The following SLC45A3 variants were observed in gnomAD, a reference collection of about 807,000 sequenced individuals.
SLC45A3 encodes solute carrier family 45 member 3.
SLC45A3 carries 17 observed loss-of-function variants against 35.3 expected under a neutral mutation model. That is an observed-to-expected ratio of 0.48 (90% CI 0.33 to 0.72). The LOEUF is 0.72. Ranked by LOEUF, SLC45A3 falls within the 30% of genes least tolerant of loss-of-function variation. The pLI, the probability that SLC45A3 is intolerant of heterozygous loss-of-function variation, is 0.02. For synonymous variants in SLC45A3, 288 were observed against 334.3 expected (o/e 0.86, Z 1.51); for missense variants, 597 against 731.7 (o/e 0.82, Z 2.12).
intron 2 of SLC45A3, 114 bp from the exon 3 acceptor site, chr1:205,663,732 T>A: frequency 1.6e-5 from 17 of 1,077,710 alleles, no homozygotes; most frequent in Non-Finnish European, 2.2e-5. Flanking sequence ...GACACTGTGC[T>A]ACGTCTTCAC....
intron 1 of SLC45A3, among the ~76,000 whole-genome samples, chr1:205,679,685 A>AACACACACACACACACACACACACAC (rs55762304): frequency 7.2e-5 from 10 of 138,854 alleles, no homozygotes; most frequent in South Asian, 5.0e-4. Context: ...GGGACACAGT[A>AACACACACACACACACACACACACAC]ACACACACAC....
At chr1:205,678,797 G>A (rs892609046) in intron 1 of SLC45A3, among the ~76,000 whole-genome samples, 3 of 152,176 alleles carry the variant, frequency 2.0e-5, no homozygotes, top group African/African-American at 7.2e-5. Flanking sequence ...CGACAGGCCT[G>A]GTGGGAGGAG....
chr1:205,679,850 C>T lies in SLC45A3; in HGVS notation c.-231+544G>A, dbSNP rs147592893. Among the ~76,000 whole-genome samples, 378 of 152,132 alleles carry T rather than the reference C, an allele frequency of 2.5e-3. 2 individuals are homozygous for T. The highest frequency in any genetic ancestry group is 4.4e-3 in the Admixed American group (68 of 15,296). On this transcript the variant is annotated intron_variant, in intron 1 of 4. Coordinates refer to ENST00000367145, the MANE Select transcript of SLC45A3 (RefSeq NM_033102.3). Reference sequence around the variant, plus strand: ...AGCCGGCCTGGGCCTGAGCACCCCGCGGCGCCGCGGCCGTCGGCTCCCGTC... The same window carrying T: ...AGCCGGCCTGGGCCTGAGCACCCCGTGGCGCCGCGGCCGTCGGCTCCCGTC...
Position 205,666,456 on chromosome 1 carries a change from A to G in SLC45A3, c.-230-1570T>C, listed in dbSNP as rs528235724. On this transcript the variant is annotated intron_variant, in intron 1 of 4. Coordinates refer to ENST00000367145, the MANE Select transcript of SLC45A3 (RefSeq NM_033102.3). This position sits in a 1 kb window ranked among gnomAD's most constrained non-coding sequence, Gnocchi z 4.1. ...CTGGGAGGTCAAGGGTGCAGCGCGC[A>G]GTGATTGGACCACTGCCTCCAGTCT... 2.2e-4 allele frequency among the ~76,000 whole-genome samples: 33 copies of G among 152,322 alleles called. No individual in the cohort carries two copies. Among genetic ancestry groups the G allele is most frequent in the Admixed American group, 6.5e-4 (10 of 15,304 alleles).
rs770705381 is a variant in SLC45A3, at chr1:205,669,410, G to A, written c.-230-4524C>T. On this transcript the variant is annotated intron_variant, in intron 1 of 4. Coordinates refer to ENST00000367145, the MANE Select transcript of SLC45A3 (RefSeq NM_033102.3). The surrounding 1 kb of genome is among the most constrained non-coding windows in gnomAD (Gnocchi z 4.1). ...CTGGTAGCTCCCTAAGGGAAGGGAG[G>A]GTCAGAGGGGGATGTATAAAGAGGT... is the stretch of plus-strand genomic sequence containing the variant. 2.6e-4 allele frequency among the ~76,000 whole-genome samples: 39 copies of A among 152,182 alleles called. No homozygotes were observed. The highest frequency in any genetic ancestry group is 4.4e-4 in the Non-Finnish European group (30 of 68,026).
Position 205,680,132 on chromosome 1 carries a change from C to T in SLC45A3, c.-231+262G>A, listed in dbSNP as rs1457086397. Among the ~76,000 whole-genome samples the T allele has an allele frequency of 1.5e-4, 23 of 151,404 alleles. No individual in the cohort carries two copies. The Middle Eastern group carries it at 0.017, about 113-fold the overall frequency. Reference sequence around the variant, plus strand: ...GACAGCGCGGGCACCTCCTGCCTGCCCGCCCTCCGCGGAAGAAAGCACAGC... The same window carrying T: ...GACAGCGCGGGCACCTCCTGCCTGCTCGCCCTCCGCGGAAGAAAGCACAGC... On this transcript the variant is annotated intron_variant, in intron 1 of 4. Transcript: ENST00000367145.
At position 205,664,447 on chromosome 1, in the gene SLC45A3, T is replaced by C; in HGVS notation, c.172+38A>G. ...CCTGTCCCACATGCCAGGTGGCATGTATCTGGAACAGGAAGGAAGGAGGAT... is the reference window on the plus strand; with the variant it reads ...CCTGTCCCACATGCCAGGTGGCATGCATCTGGAACAGGAAGGAAGGAGGAT... On this transcript the variant is annotated intron_variant, in intron 2 of 4. Coordinates refer to ENST00000367145, the MANE Select transcript of SLC45A3 (RefSeq NM_033102.3). The surrounding 1 kb of genome is among the most constrained non-coding windows in gnomAD (Gnocchi z 5.3). 3 of 1,606,978 alleles carry C rather than the reference T, an allele frequency of 1.9e-6. No individual in the cohort carries two copies. Among genetic ancestry groups the C allele is most frequent in the Non-Finnish European group, 2.6e-6 (3 of 1,174,802 alleles).
intron 4 of SLC45A3, among the ~76,000 whole-genome samples, chr1:205,660,499 G>A (rs761220516): frequency 6.6e-6 from 1 of 152,182 alleles, no homozygotes; most frequent in Non-Finnish European, 1.5e-5. Context: ...AGCCATGGCA[G>A]AGCTCAAACC....
At chr1:205,660,522 A>G (rs1363197509) in intron 4 of SLC45A3, among the ~76,000 whole-genome samples, 3 of 152,206 alleles carry the variant, frequency 2.0e-5, no homozygotes, top group Non-Finnish European at 4.4e-5. Flanking sequence ...ACACCAGGGA[A>G]GCCCACGGCT....
At chr1:205,680,153 A>T (rs1459557186) in intron 1 of SLC45A3, among the ~76,000 whole-genome samples, 6 of 151,362 alleles carry the variant, frequency 4.0e-5, no homozygotes, top group Non-Finnish European at 7.4e-5. Flanking sequence ...GGAAGAAAGC[A>T]CAGCTCAGCG....
chr1:205,672,249 C>A (rs57892839), intron 1 of SLC45A3, among the ~76,000 whole-genome samples: 189 of 152,290 alleles, frequency 1.2e-3, no homozygotes, highest in African/African-American at 4.2e-3. Flanking sequence ...ACACCAGCGC[C>A]TCTTTCAGCC....
chr1:205,661,892 G>T lies in SLC45A3; in HGVS notation c.1193C>A (p.Thr398Lys). Residue 398 changes from threonine (T) to lysine (K), a missense_variant, in exon 4 of 5, where the codon ACA becomes AAA. Physicochemically the swap from Thr to Lys is moderately conservative, Grantham distance 78 (BLOSUM62 -1). Transcript: ENST00000367145. ...CTCCCGGTGGTAGAGGGAGGCCAGT[G>T]TGTAGGGCAGGATCTGCAGGGCTGA... ...TFSALQILPY[T>K]LASLYHREKQ... 1 of 1,614,158 alleles carries T rather than the reference G, an allele frequency of 6.2e-7. No homozygotes were observed. Among genetic ancestry groups the T allele is most frequent in the Non-Finnish European group, 8.5e-7 (1 of 1,180,022 alleles).
rs1393541357 is a variant in SLC45A3 at position 205,669,694 on chromosome 1, C to A, written c.-230-4808G>T. ...ACCCTGCGTGTTCCCTGCACACTCA[C>A]AAAGACGCTCTGCTTTCTCCCAGGC... On this transcript the variant is annotated intron_variant, in intron 1 of 4. Coordinates refer to ENST00000367145, the MANE Select transcript of SLC45A3 (RefSeq NM_033102.3). The surrounding 1 kb of genome is among the most constrained non-coding windows in gnomAD (Gnocchi z 4.1). Among the ~76,000 whole-genome samples the A allele has an allele frequency of 1.3e-5, 2 of 152,228 alleles. No individual in the cohort carries two copies. Among genetic ancestry groups the A allele is most frequent in the African/African-American group, 4.8e-5 (2 of 41,460 alleles).
chr1:205,672,599 A>G (rs1251145582), intron 1 of SLC45A3, among the ~76,000 whole-genome samples: 2 of 152,228 alleles, frequency 1.3e-5, no homozygotes, highest in East Asian at 3.8e-4. Context: ...CAGTCTCAGA[A>G]CGTAACATGC....
chr1:205,669,731 G>A lies in SLC45A3; in HGVS notation c.-230-4845C>T, dbSNP rs781352557. Reference sequence around the variant, plus strand: ...GCTTTCTCCCAGGCTCCTCAGAAGCGGCTCCTCTCCCCTTCACAGCCACCC... The same window carrying A: ...GCTTTCTCCCAGGCTCCTCAGAAGCAGCTCCTCTCCCCTTCACAGCCACCC... On this transcript the variant is annotated intron_variant, in intron 1 of 4. Transcript: ENST00000367145. The surrounding 1 kb of genome is among the most constrained non-coding windows in gnomAD (Gnocchi z 4.1). Among the ~76,000 whole-genome samples, 14 of 152,192 alleles carry A rather than the reference G, an allele frequency of 9.2e-5. No homozygotes were observed. The highest frequency in any genetic ancestry group is 3.3e-4 in the Admixed American group (5 of 15,288).
rs1384726736 is a variant in SLC45A3, at chr1:205,664,075, C to G, written c.172+410G>C. Among the ~76,000 whole-genome samples, 1 of 152,160 alleles carries G rather than the reference C, an allele frequency of 6.6e-6. No individual in the cohort carries two copies. The highest frequency in any genetic ancestry group is 2.1e-4 in the South Asian group (1 of 4,830). On this transcript the variant is annotated intron_variant, in intron 2 of 4. Transcript: ENST00000367145. This position sits in a 1 kb window ranked among gnomAD's most constrained non-coding sequence, Gnocchi z 5.3. ...GGGAGACCTTGATGGAGTCCCAGCT[C>G]TACTGTTCAGCTGCTATTTGGCTTT...
Position 205,663,406 on chromosome 1 carries a change from C to A in SLC45A3, c.385G>T (p.Val129Leu), listed in dbSNP as rs776836737. 3 of 1,613,296 alleles carry A rather than the reference C, an allele frequency of 1.9e-6. No homozygotes were observed. The highest frequency in any genetic ancestry group is 1.7e-5 in the Admixed American group (1 of 60,000). The change falls in exon 3 of 5, where the codon GTG becomes TTG. Residue 129 changes from valine to leucine, a missense_variant. Val to Leu is a conservative substitution (Grantham distance 32, BLOSUM62 1). This residue lies in a region of SLC45A3 where 555 missense variants were observed against 664.9 expected (regional missense o/e 0.83). Coordinates refer to ENST00000367145, the MANE Select transcript of SLC45A3 (RefSeq NM_033102.3). ...TGGCCACAGAAGTCCAGCAGCCCCA[C>A]GCCCAGGATGAGCAGTGCCAGCTCC... ...PLELALLILG[V>L]GLLDFCGQVC...
In SLC45A3 at chr1:205,664,707, G is replaced by A. The variant is rs1671090221; in HGVS notation, c.-51C>T. ...GGGGCCGTTCAGGCACTCCAGAACTGCTTCGTCTCGGCTCTGCTCCAGAAG... is the reference window on the plus strand; with the variant it reads ...GGGGCCGTTCAGGCACTCCAGAACTACTTCGTCTCGGCTCTGCTCCAGAAG... On this transcript the variant is annotated 5_prime_UTR_variant, in exon 2 of 5. An upstream open reading frame in the 5' UTR gains an earlier in-frame stop. Transcript: ENST00000367145. The surrounding 1 kb of genome is among the most constrained non-coding windows in gnomAD (Gnocchi z 5.3). 1 of 1,589,174 alleles carries A rather than the reference G, an allele frequency of 6.3e-7. No homozygotes were observed. Among genetic ancestry groups the A allele is most frequent in the African/African-American group, 1.4e-5 (1 of 74,044 alleles).
At chr1:205,660,019 G>A (rs1163379116) in intron 4 of SLC45A3, among the ~76,000 whole-genome samples, 5 of 152,156 alleles carry the variant, frequency 3.3e-5, no homozygotes, top group Non-Finnish European at 7.3e-5. Flanking sequence ...TGAAGACGGT[G>A]GTAAGAGATG....
Sources: gnomAD v4.1 joint callset for allele counts (sites outside exome capture counted in the v4.1 genomes callset) on GRCh38, gnomAD v4.1.1 for gene constraint, gnomAD v4.1.1 regional missense constraint, Gnocchi (gnomAD v3.1) non-coding constraint, MANE v1.5 for transcripts, NCBI Gene and HGNC (gene_info 2026-07-23, HGNC 2026-07-21) for gene names.